The following METTL25B variants were observed in gnomAD, a reference collection of about 807,000 sequenced individuals.
METTL25B encodes methyltransferase-like protein 25B.
A neutral mutation model predicts 48.4 loss-of-function variants in METTL25B; 38 were observed. The observed-to-expected ratio is 0.78, with a 90% confidence interval of 0.61 to 1.03. The LOEUF (loss-of-function observed/expected upper bound fraction) is 1.03. METTL25B is among the 50% of genes least tolerant of loss of function. METTL25B has a pLI of 0.00. For synonymous variants in METTL25B, 230 were observed against 254.5 expected, an observed-to-expected ratio of 0.90 and a Z score of 0.92; for missense variants, 537 against 603.7, an observed-to-expected ratio of 0.89 and a Z score of 1.16.
rs1649361543 is a variant in METTL25B, at chr1:156,732,266, G to A, written c.237-15G>A. 1 of 1,613,168 alleles carries A rather than the reference G, an allele frequency of 6.2e-7. No homozygotes were observed. The highest frequency in any genetic ancestry group is 8.5e-7 in the Non-Finnish European group (1 of 1,179,174). The stretch of plus-strand genomic sequence containing the variant: ...ATGGGACTATTCACTGGAGGCCTCG[G>A]CTGGACTATCTCAGGTACAGGTCAG... On this transcript the variant is annotated splice_polypyrimidine_tract_variant and intron_variant, in intron 2 of 7. Coordinates refer to ENST00000368216, the MANE Select transcript of METTL25B (RefSeq NM_015997.4).
In METTL25B at chr1:156,728,864, G is replaced by A; in HGVS notation, c.-241G>A. On this transcript the variant is annotated 5_prime_UTR_variant, in exon 1 of 8. It adds an upstream start codon to the 5' untranslated region. Coordinates refer to ENST00000368216, the MANE Select transcript of METTL25B (RefSeq NM_015997.4). ...TCACTGCACTGTTACCCCGCCCTAC[G>A]TGTCTCTGACGCTGACACCTTCTCA... 1.5e-6 allele frequency: 1 copy of A among 674,018 alleles called. No homozygotes were observed. Among genetic ancestry groups the A allele is most frequent in the Non-Finnish European group, 2.2e-6 (1 of 456,186 alleles). 41.8% of individuals were successfully genotyped at this position (674,018 alleles called of 1,614,324 possible).
chr1:156,736,844 C>G lies in METTL25B; in HGVS notation c.*91C>G. On this transcript the variant is annotated 3_prime_UTR_variant, in exon 8 of 8. Transcript: ENST00000368216. ...ACATCTCATCCAGAGAAACAGCATC[C>G]TGCATCCTCCAGAGTCCTGGTTCCT... The G allele has an allele frequency of 2.3e-6, 3 of 1,307,100 alleles. No homozygotes were observed. In the East Asian group the frequency reaches 7.5e-5, roughly 33 times the overall value. 81.0% of individuals were successfully genotyped at this position (1,307,100 alleles called of 1,614,324 possible).
At position 156,728,748 on chromosome 1, in the gene METTL25B, C is replaced by A; in HGVS notation, c.-357C>A. 9.8e-7 allele frequency: 1 copy of A among 1,015,774 alleles called. No individual in the cohort carries two copies. Among genetic ancestry groups the A allele is most frequent in the Admixed American group, 5.9e-5 (1 of 16,916 alleles). 62.9% of individuals were successfully genotyped at this position (1,015,774 alleles called of 1,614,324 possible). ...CGCCGGACACCTCCGGCTTCACTTC[C>A]GTAAGAGGAGAGGAGTGTACGGCAA... On this transcript the variant is annotated 5_prime_UTR_variant, in exon 1 of 8. Coordinates refer to ENST00000368216, the MANE Select transcript of METTL25B (RefSeq NM_015997.4).
chr1:156,729,405 C>CTT, intron 1 of METTL25B, 190 bp downstream of exon 1: 1 of 402,668 alleles, frequency 2.5e-6, no homozygotes, highest in East Asian at 4.2e-5. Context: ...AATAATATTT[C>CTT]TTTTTTTTTC....
chr1:156,729,309 C>G (rs1649025352), intron 1 of METTL25B, 94 bp downstream of exon 1: 2 of 716,876 alleles, frequency 2.8e-6, no homozygotes, highest in South Asian at 3.2e-5. Flanking sequence ...AGCCTCTGAT[C>G]TCTTTCCTTC....
intron 1 of METTL25B, among the ~76,000 whole-genome samples, chr1:156,731,430 A>G (rs541680945): frequency 7.2e-5 from 11 of 152,196 alleles, no homozygotes; most frequent in African/African-American, 2.6e-4. Flanking sequence ...GGCCAAAGTT[A>G]TTATTTTTTT....
Position 156,734,467 on chromosome 1 carries a change from C to G in METTL25B, c.1095C>G (p.Pro365=), listed in dbSNP as rs1233321894. The G allele has an allele frequency of 6.3e-7, 1 of 1,598,202 alleles. No individual in the cohort carries two copies. Among genetic ancestry groups the G allele is most frequent in the Non-Finnish European group, 8.5e-7 (1 of 1,172,546 alleles). Residue 365 remains proline, a synonymous_variant, in exon 6 of 8, where the codon CCC becomes CCG. Transcript: ENST00000368216. ...GTCGGCCAGGCGTGCAGGGTATCCC[C>G]AGGGTCCACGAGCTCAAGATTGAAG... ...ELRRPGVQGI[P]RVHELKIEEY...
In METTL25B at chr1:156,734,324, G is replaced by A; in HGVS notation, c.952G>A (p.Ala318Thr). The change falls in exon 6 of 8, where the codon GCC becomes ACC. Residue 318 changes from alanine (A) to threonine (T), a missense_variant. Coordinates refer to ENST00000368216, the MANE Select transcript of METTL25B (RefSeq NM_015997.4). ...ACTGCCCTACCGGCTTCGGGAGGGGGCCTGCCATGCCCTGGAGGAATATGC... is the reference window on the plus strand; with the variant it reads ...ACTGCCCTACCGGCTTCGGGAGGGGACCTGCCATGCCCTGGAGGAATATGC... ...YELPYRLREG[A>T]CHALEEYAER... is the part of the protein sequence containing the mutation. 1.2e-6 allele frequency: 2 copies of A among 1,614,024 alleles called. No individual in the cohort carries two copies. The highest frequency in any genetic ancestry group is 1.7e-6 in the Non-Finnish European group (2 of 1,180,002).
rs1171280881 is a variant in METTL25B at position 156,729,433 on chromosome 1, CTTT to C, written c.111+227_111+229del. The C allele has an allele frequency of 2.7e-5, 7 of 254,886 alleles. No individual in the cohort carries two copies. In the East Asian group the frequency reaches 3.7e-4, roughly 14 times the overall value. The allele number at this position is 254,886 out of a possible 1,614,324, so 15.8% of individuals were successfully genotyped here. A position where few individuals can be genotyped will look rare whatever the true frequency, so the allele number is the denominator to read the frequency against. On this transcript the variant is annotated intron_variant, in intron 1 of 7. Transcript: ENST00000368216. ...TTTTTTTCTTTTTCTTTTTTTTTTT[CTTT>C]TTTTTTTTGAGACGGAGTCTCGCTC...
chr1:156,733,270 T>A (rs1649446508), intron 4 of METTL25B, 107 bp from the exon 5 acceptor site: 2 of 1,373,074 alleles, frequency 1.5e-6, no homozygotes, highest in Non-Finnish European at 1.0e-6. Context: ...GGGTAAAATT[T>A]AAGCCTTCTG....
chr1:156,733,013 G>C lies in METTL25B; in HGVS notation c.458G>C (p.Gly153Ala). 6.2e-7 allele frequency: 1 copy of C among 1,614,136 alleles called. No homozygotes were observed. Among genetic ancestry groups the C allele is most frequent in the Non-Finnish European group, 8.5e-7 (1 of 1,180,020 alleles). ...GTGAAGAAGCTGAGTGATTTCACAG[G>C]CTGCACCCAGGTTGTAGACGTGGGC... Reference protein sequence around the residue: ...ELVKKLSDFTGCTQVVDVGSG... With the variant: ...ELVKKLSDFTACTQVVDVGSG... Residue 153 changes from glycine (G) to alanine (A), a missense_variant, in exon 4 of 8, where the codon GGC becomes GCC. By Grantham distance (60) the Gly-to-Ala change is moderately conservative (BLOSUM62 0). Transcript: ENST00000368216.
chr1:156,733,676 G>A, intron 5 of METTL25B, 156 bp downstream of exon 5: 1 of 769,594 alleles, frequency 1.3e-6, no homozygotes, highest in Non-Finnish European at 2.0e-6. Flanking sequence ...CCTTTCCCCA[G>A]TGCCTCCCTG....
intron 5 of METTL25B, 99 bp downstream of exon 5, chr1:156,733,619 T>A: frequency 7.7e-7 from 1 of 1,293,354 alleles, no homozygotes; most frequent in Non-Finnish European, 1.1e-6. Context: ...TTTCTCAGCT[T>A]GAACTGGTGT....
Position 156,728,555 on chromosome 1 carries a change from C to G in METTL25B, c.-550C>G. On this transcript the variant is annotated 5_prime_UTR_variant, in exon 1 of 8. Transcript: ENST00000368216. ...GCGCGCACACCCGCACCGCCCCGAC[C>G]CCAGGTAGTGAGGCCAGTGATTCCG... 1 of 985,738 alleles carries G rather than the reference C, an allele frequency of 1.0e-6. No individual in the cohort carries two copies. The highest frequency in any genetic ancestry group is 1.2e-6 in the Non-Finnish European group (1 of 829,936). The allele number at this position is 985,738 out of a possible 1,614,324, so 61.1% of individuals were successfully genotyped here.
chr1:156,732,920 T>C, intron 3 of METTL25B, 65 bp from the exon 4 acceptor site: 1 of 1,357,802 alleles, frequency 7.4e-7, no homozygotes, highest in South Asian at 1.2e-5. Context: ...CCACTCTCAG[T>C]ATGGGTGTTT....
chr1:156,731,434 T>C (rs560249097), intron 1 of METTL25B, among the ~76,000 whole-genome samples: 2 of 152,206 alleles, frequency 1.3e-5, no homozygotes, highest in African/African-American at 4.8e-5. Context: ...AAAGTTATTA[T>C]TTTTTTTAAT....
Position 156,729,070 on chromosome 1 carries a change from G to A in METTL25B, c.-35G>A, listed in dbSNP as rs753120178. ...CTGACCCTGGATCCCTGTTCACTGC[G>A]TTCTCGCTCCCCGCGCTCCCTGCTG... On this transcript the variant is annotated 5_prime_UTR_variant, in exon 1 of 8. Transcript: ENST00000368216. The A allele has an allele frequency of 4.5e-6, 6 of 1,334,750 alleles. No homozygotes were observed. In the African/African-American group the frequency reaches 8.8e-5, roughly 19 times the overall value. 82.7% of individuals were successfully genotyped at this position (1,334,750 alleles called of 1,614,324 possible). A position where few individuals can be genotyped will look rare whatever the true frequency, so the allele number is the denominator to read the frequency against.
chr1:156,735,776 G>T lies in METTL25B; in HGVS notation c.1173G>T (p.Leu391=), dbSNP rs1382706166. 1.2e-6 allele frequency: 2 copies of T among 1,612,074 alleles called. No homozygotes were observed. The highest frequency in any genetic ancestry group is 2.2e-5 in the East Asian group (1 of 44,590). Residue 391 remains leucine, a synonymous_variant, in exon 7 of 8, where the codon CTG becomes CTT. Transcript: ENST00000368216. The stretch of plus-strand genomic sequence containing the variant: ...TGGGGCTAGATCCCCAGCTGCCACT[G>T]AATCTGGCTGCCCTTCAGGCCCACG... ...QRVGLDPQLP[L]NLAALQAHVA...
In METTL25B at chr1:156,733,022, A is replaced by C; in HGVS notation, c.467A>C (p.Gln156Pro). Reference sequence around the variant, plus strand: ...CTGAGTGATTTCACAGGCTGCACCCAGGTTGTAGACGTGGGCTCAGGCCAG... The same window carrying C: ...CTGAGTGATTTCACAGGCTGCACCCCGGTTGTAGACGTGGGCTCAGGCCAG... Reference protein sequence around the residue: ...KKLSDFTGCTQVVDVGSGQGH... With the variant: ...KKLSDFTGCTPVVDVGSGQGH... Residue 156 changes from glutamine (Q) to proline (P), a missense_variant, in exon 4 of 8, where the codon CAG (glutamine) becomes CCG (proline). Coordinates refer to ENST00000368216, the MANE Select transcript of METTL25B (RefSeq NM_015997.4). The C allele has an allele frequency of 6.2e-7, 1 of 1,614,118 alleles. No homozygotes were observed. Among genetic ancestry groups the C allele is most frequent in the Non-Finnish European group, 8.5e-7 (1 of 1,180,004 alleles).
Sources: allele counts gnomAD v4.1 joint callset (sites outside exome capture counted in the v4.1 genomes callset), GRCh38; gene constraint gnomAD v4.1.1; transcripts MANE v1.5; gene names NCBI Gene and HGNC (gene_info 2026-07-23, HGNC 2026-07-21).